SRFBP1: variants seen among roughly 807,000 people sequenced by gnomAD.
SRFBP1 encodes serum response factor binding protein 1.
A neutral mutation model predicts 45.5 loss-of-function variants in SRFBP1; 47 were observed. That is an observed-to-expected ratio of 1.03 (90% CI 0.82 to 1.32). The LOEUF is 1.32. SRFBP1 is among the 40% of genes most tolerant of loss of function. The pLI, the probability that SRFBP1 is intolerant of heterozygous loss-of-function variation, is 0.00. For missense variants in SRFBP1, 621 were observed against 484.6 expected, an observed-to-expected ratio of 1.28 and a Z score of -2.64; for synonymous variants, 203 against 166.3, an observed-to-expected ratio of 1.22 and a Z score of -1.70.
At chr5:121,983,235 C>T (rs1752447941) in intron 3 of SRFBP1, among the ~76,000 whole-genome samples, 1 of 151,408 alleles carries the variant, frequency 6.6e-6, no homozygotes, top group African/African-American at 2.4e-5. Context: ...TTCACAAGGC[C>T]ATCCATTTTG....
At chr5:122,013,625 G>A (rs1025836558) in intron 4 of SRFBP1, among the ~76,000 whole-genome samples, 2 of 152,066 alleles carry the variant, frequency 1.3e-5, no homozygotes, top group African/African-American at 2.4e-5. Flanking sequence ...AAGATTTATG[G>A]ACAGATGTTT....
chr5:122,050,630 A>G (rs1484428973), intron 2 of SRFBP1, among the ~76,000 whole-genome samples: 1 of 151,800 alleles, frequency 6.6e-6, no homozygotes, highest in Non-Finnish European at 1.5e-5. Context: ...AATTGTGTTT[A>G]TTTGGATCTT....
intron 2 of SRFBP1, among the ~76,000 whole-genome samples, chr5:122,037,472 A>G (rs1350444425): frequency 2.6e-5 from 4 of 152,074 alleles, no homozygotes; most frequent in Non-Finnish European, 4.4e-5. Flanking sequence ...TTGTATTTTT[A>G]TAGCTATATG....
At chr5:122,032,317 A>G (rs556811731), downstream of SRFBP1, among the ~76,000 whole-genome samples, 13 of 151,710 alleles carry the variant, frequency 8.6e-5, no homozygotes, top group Middle Eastern at 3.4e-3. Context: ...TCGTGAAGTC[A>G]GAGCTACACA....
chr5:122,059,784 A>G (rs1580549954), intron 2 of SRFBP1, among the ~76,000 whole-genome samples: 1 of 152,178 alleles, frequency 6.6e-6, no homozygotes, highest in East Asian at 1.9e-4. Context: ...ACTATAACTA[A>G]CAGAAGTAAA....
chr5:122,049,546 TC>T (rs1158829745), intron 2 of SRFBP1, among the ~76,000 whole-genome samples: 1 of 139,624 alleles, frequency 7.2e-6, no homozygotes, highest in Non-Finnish European at 1.6e-5. Flanking sequence ...TCTACAGAAC[TC>T]TCCACCCGAA....
At chr5:121,973,080 A>G (rs1388339089) in intron 1 of SRFBP1, among the ~76,000 whole-genome samples, 3 of 151,888 alleles carry the variant, frequency 2.0e-5, no homozygotes, top group Admixed American at 6.6e-5. Flanking sequence ...TGATGTTGAT[A>G]ATGTTATTTT....
At position 122,022,422 on chromosome 5, in the gene SRFBP1, T is replaced by G; in HGVS notation, c.1105+15T>G. On this transcript the variant is annotated intron_variant, in intron 7 of 7. Coordinates refer to ENST00000339397, the MANE Select transcript of SRFBP1 (RefSeq NM_152546.3). ...AAGATCCCTAGGTATGTATTCATAG[T>G]TGCCTGACCTTCATATGCAATTAAG... is the stretch of plus-strand genomic sequence containing the variant. 1 of 1,603,220 alleles carries G rather than the reference T, an allele frequency of 6.2e-7. No homozygotes were observed. The highest frequency in any genetic ancestry group is 8.5e-7 in the Non-Finnish European group (1 of 1,175,848).
At chr5:122,035,627 G>A (rs769749604) in intron 2 of SRFBP1, among the ~76,000 whole-genome samples, 22 of 152,104 alleles carry the variant, frequency 1.4e-4, no homozygotes, top group Non-Finnish European at 2.6e-4. Context: ...TTTTTAGAGT[G>A]GAAATAATGA....
At chr5:121,994,966 C>G (rs909863560) in intron 4 of SRFBP1, among the ~76,000 whole-genome samples, 23 of 151,982 alleles carry the variant, frequency 1.5e-4, no homozygotes, top group African/African-American at 5.6e-4. Context: ...ATGCATTCAA[C>G]AAGAAGAGCT....
rs182303191 is a variant in SRFBP1, at chr5:122,008,062, G to A, written c.271-11198G>A. The stretch of plus-strand genomic sequence containing the variant: ...GCCTGGTGCCAAGACAGGCTTGGAG[G>A]CTTAGTCTGAATGTACTATCCTGGA... On this transcript the variant is annotated intron_variant, in intron 4 of 7. Transcript: ENST00000339397. 1.6e-3 allele frequency among the ~76,000 whole-genome samples: 240 copies of A among 152,238 alleles called. 1 individual carries two copies. Among genetic ancestry groups the A allele is most frequent in the Admixed American group, 4.9e-3 (75 of 15,294 alleles).
intron 3 of SRFBP1, among the ~76,000 whole-genome samples, chr5:121,988,674 A>G (rs1162075913): frequency 6.6e-6 from 1 of 152,220 alleles, no homozygotes; most frequent in African/African-American, 2.4e-5. Flanking sequence ...GAAGCCACCC[A>G]AAGTGAAAAC....
At chr5:122,052,682 G>C (rs1451786479) in intron 2 of SRFBP1, among the ~76,000 whole-genome samples, 1 of 152,132 alleles carries the variant, frequency 6.6e-6, no homozygotes, top group African/African-American at 2.4e-5. Flanking sequence ...TCCTTGGATT[G>C]AGTTTCGACA....
At chr5:122,069,314 A>G (rs1754387723) in intron 2 of SRFBP1, among the ~76,000 whole-genome samples, 1 of 152,138 alleles carries the variant, frequency 6.6e-6, no homozygotes, top group African/African-American at 2.4e-5. Context: ...TTGGGAAGGC[A>G]TAACTCAAGT....
chr5:121,977,586 AATG>A (rs1561577982), intron 3 of SRFBP1, among the ~76,000 whole-genome samples: 3 of 152,136 alleles, frequency 2.0e-5, no homozygotes, highest in African/African-American at 7.2e-5. Context: ...GTATCAAATA[AATG>A]ATGACAAAAC....
chr5:121,969,807 C>G (rs1021680961), intron 1 of SRFBP1, among the ~76,000 whole-genome samples: 10 of 152,068 alleles, frequency 6.6e-5, no homozygotes, highest in African/African-American at 2.4e-4. Flanking sequence ...CCTTCAATTT[C>G]TGTCTTCAGA....
downstream of SRFBP1, among the ~76,000 whole-genome samples, chr5:122,031,747 ATC>A: frequency 6.6e-6 from 1 of 152,256 alleles, no homozygotes; most frequent in Non-Finnish European, 1.5e-5. Flanking sequence ...GATATCCATC[ATC>A]TGATGATGAG....
intron 4 of SRFBP1, among the ~76,000 whole-genome samples, chr5:122,017,953 T>G (rs192515984): frequency 6.6e-6 from 1 of 152,348 alleles, no homozygotes; most frequent in Admixed American, 6.5e-5. Context: ...TCTACAGCAA[T>G]GAGGCAAACA....
chr5:122,041,906 T>C (rs1327975496), intron 2 of SRFBP1, among the ~76,000 whole-genome samples: 1 of 152,230 alleles, frequency 6.6e-6, no homozygotes, highest in African/African-American at 2.4e-5. Context: ...ATAATTCTAG[T>C]GTTTGCTTTT....
Sources: allele counts gnomAD v4.1 joint callset (sites outside exome capture counted in the v4.1 genomes callset), GRCh38; gene constraint gnomAD v4.1.1; transcripts MANE v1.5; gene names NCBI Gene and HGNC (gene_info 2026-07-23, HGNC 2026-07-21).